The following ENTREP2 variants were observed in gnomAD, a reference collection of about 807,000 sequenced individuals.
ENTREP2 encodes the protein protein ENTREP2.
the ENTREP2 span, among the ~76,000 whole-genome samples, chr15:29,617,535 A>G: frequency 6.6e-6 from 1 of 152,252 alleles, no homozygotes; most frequent in African/African-American, 2.4e-5. Flanking sequence ...CTGTGACATT[A>G]GCTGCTGCAA....
At chr15:29,126,588 G>C in the ENTREP2 span, 2 of 1,036,192 alleles carry the variant, frequency 1.9e-6, no homozygotes, top group African/African-American at 3.2e-5. Flanking sequence ...GATGAACTCT[G>C]AAACCCTGGG....
At chr15:29,247,132 A>G in the ENTREP2 span, among the ~76,000 whole-genome samples, 3 of 152,192 alleles carry the variant, frequency 2.0e-5, no homozygotes, top group Non-Finnish European at 2.9e-5. Context: ...GCAGAGAAAA[A>G]AACACAATCA....
chr15:29,209,496 C>T, the ENTREP2 span, among the ~76,000 whole-genome samples: 3 of 151,942 alleles, frequency 2.0e-5, no homozygotes, highest in East Asian at 1.9e-4. Flanking sequence ...GGAGAGACTC[C>T]GTCTCAAAAC....
the ENTREP2 span, among the ~76,000 whole-genome samples, chr15:29,204,464 C>T: frequency 1.2e-3 from 179 of 152,228 alleles, no homozygotes; most frequent in Non-Finnish European, 2.0e-3. Context: ...GTGTCAAGCC[C>T]GAGAACTTAC....
chr15:29,590,777 G>A, the ENTREP2 span, among the ~76,000 whole-genome samples: 1 of 151,538 alleles, frequency 6.6e-6, no homozygotes, highest in Admixed American at 6.6e-5. Flanking sequence ...TTGATATAAT[G>A]GTATGTTTAA....
At chr15:29,224,863 G>A in the ENTREP2 span, among the ~76,000 whole-genome samples, 1 of 152,184 alleles carries the variant, frequency 6.6e-6, no homozygotes, top group African/African-American at 2.4e-5. Flanking sequence ...CACTGGGGAG[G>A]CTCCCGCAGC....
chr15:29,453,123 C>T, the ENTREP2 span, among the ~76,000 whole-genome samples: 1 of 152,128 alleles, frequency 6.6e-6, no homozygotes, highest in South Asian at 2.1e-4. Flanking sequence ...AATTTCCCGG[C>T]TGTTTAGTGG....
chr15:29,261,921 TAAA>T, the ENTREP2 span, among the ~76,000 whole-genome samples: 1 of 129,676 alleles, frequency 7.7e-6, no homozygotes, highest in Non-Finnish European at 1.7e-5. Context: ...ACTCCAGAAA[TAAA>T]AAAAAAAAGA....
the ENTREP2 span, among the ~76,000 whole-genome samples, chr15:29,191,046 C>T: frequency 6.6e-6 from 1 of 152,124 alleles, no homozygotes; most frequent in Non-Finnish European, 1.5e-5. Flanking sequence ...CATATTTGTT[C>T]TGCTGCCCAA....
the ENTREP2 span, among the ~76,000 whole-genome samples, chr15:29,155,771 G>A: frequency 2.6e-5 from 4 of 152,162 alleles, no homozygotes; most frequent in Non-Finnish European, 5.9e-5. Flanking sequence ...ACCCCTCAGG[G>A]ATCAGGGTTC....
At chr15:29,370,191 G>A in the ENTREP2 span, among the ~76,000 whole-genome samples, 11 of 152,252 alleles carry the variant, frequency 7.2e-5, no homozygotes, top group Non-Finnish European at 1.5e-4. Context: ...TTAAAAGGCA[G>A]AAATTTCAGA....
the ENTREP2 span, among the ~76,000 whole-genome samples, chr15:29,354,420 G>A: frequency 6.6e-6 from 1 of 152,084 alleles, no homozygotes; most frequent in African/African-American, 2.4e-5. Context: ...CTGTTTCTCT[G>A]GAGAGTCCTC....
At chr15:29,598,187 T>C in the ENTREP2 span, among the ~76,000 whole-genome samples, 2 of 152,158 alleles carry the variant, frequency 1.3e-5, no homozygotes, top group Non-Finnish European at 2.9e-5. Context: ...CCAAAGTGGC[T>C]GTACCATTTT....
the ENTREP2 span, among the ~76,000 whole-genome samples, chr15:29,447,061 A>C: frequency 1.3e-5 from 2 of 152,198 alleles, no homozygotes; most frequent in Non-Finnish European, 2.9e-5. Flanking sequence ...GGATTAAGGC[A>C]TGGACATCTT....
chr15:29,175,672 T>C, the ENTREP2 span, among the ~76,000 whole-genome samples: 1 of 152,322 alleles, frequency 6.6e-6, no homozygotes, highest in Non-Finnish European at 1.5e-5. Context: ...TGGCACGATC[T>C]CGGCTCACAG....
the ENTREP2 span, among the ~76,000 whole-genome samples, chr15:29,415,887 C>G: frequency 5.9e-5 from 9 of 152,222 alleles, no homozygotes; most frequent in African/African-American, 2.2e-4. Flanking sequence ...GAGTGAACTC[C>G]CATTCACAAC....
the ENTREP2 span, among the ~76,000 whole-genome samples, chr15:29,630,982 T>C: frequency 3.3e-5 from 5 of 152,210 alleles, no homozygotes; most frequent in Non-Finnish European, 1.5e-5. Context: ...ATTATTTAGA[T>C]TGAGTAAATT....
the ENTREP2 span, among the ~76,000 whole-genome samples, chr15:29,559,341 C>G: frequency 6.6e-6 from 1 of 152,022 alleles, no homozygotes; most frequent in Non-Finnish European, 1.5e-5. Flanking sequence ...TGACTGAGCC[C>G]CCCTGGATTT....
the ENTREP2 span, among the ~76,000 whole-genome samples, chr15:29,157,344 C>A: frequency 6.6e-6 from 1 of 152,164 alleles, no homozygotes. Context: ...CTCTCCAGAT[C>A]CATCAGACTT....
Sources: gnomAD v4.1 joint callset for allele counts (sites outside exome capture counted in the v4.1 genomes callset) on GRCh38, gnomAD v4.1.1 for gene constraint, MANE v1.5 for transcripts, NCBI Gene and HGNC (gene_info 2026-07-23, HGNC 2026-07-21) for gene names.